The following MED19 variants were observed in gnomAD, a reference collection of about 807,000 sequenced individuals.
The protein encoded by MED19 is mediator of RNA polymerase II transcription subunit 19.
MED19 carries 4 observed loss-of-function variants against 19.9 expected under a neutral mutation model. The ratio of observed to expected loss-of-function variants is 0.20; its 90% CI spans 0.10 to 0.46. The LOEUF is 0.46. Ranked by LOEUF, MED19 falls within the 20% of genes least tolerant of loss-of-function variation. The pLI, the probability that MED19 is intolerant of heterozygous loss-of-function variation, is 0.99. For synonymous variants in MED19, 139 were observed against 119.6 expected (o/e 1.16, Z -1.06); for missense variants, 303 against 318.7 (o/e 0.95, Z 0.38).
At chr11:57,704,771 C>T (rs1169714968) in exon 3 of MED19, 2 of 1,552,218 alleles carry the variant, frequency 1.3e-6, no homozygotes, top group Non-Finnish European at 1.7e-6. Context: ...GCTTATTCTT[C>T]TTCTTGGGAG....
intron 3 of MED19, 40 bp downstream of exon 3, chr11:57,704,679 T>TTG: frequency 6.4e-7 from 1 of 1,554,360 alleles, no homozygotes; most frequent in Non-Finnish European, 8.7e-7. Flanking sequence ...GTTTTTTTTT[T>TTG]TTTTTTTTTT....
At chr11:57,703,864 G>T in exon 5 of MED19, 1 of 980,512 alleles carries the variant, frequency 1.0e-6, no homozygotes, top group Non-Finnish European at 1.4e-6. Flanking sequence ...GCCTACAAAA[G>T]CATGTCCCTC....
intron 2 of MED19, 73 bp from the exon 3 acceptor site, chr11:57,704,888 C>T (rs1946489585): frequency 3.1e-6 from 5 of 1,607,126 alleles, no homozygotes; most frequent in South Asian, 2.2e-5. Flanking sequence ...CCATTCTGCT[C>T]CATTATGAAG....
chr11:57,711,887 T>C (rs924319173), intron 1 of MED19, 76 bp downstream of exon 1: 3 of 1,367,858 alleles, frequency 2.2e-6, no homozygotes, highest in South Asian at 3.6e-5. Flanking sequence ...GCACCTCCGC[T>C]AGCCGGCTGA....
exon 5 of MED19, chr11:57,704,082 C>T: frequency 1.3e-6 from 2 of 1,536,162 alleles, no homozygotes; most frequent in Non-Finnish European, 1.7e-6. Flanking sequence ...CTGCCCATAC[C>T]TGGGTGGTCT....
At chr11:57,704,350 T>A (rs1419891398) in exon 4 of MED19, 1 of 1,536,092 alleles carries the variant, frequency 6.5e-7, no homozygotes, top group Non-Finnish European at 8.7e-7. Flanking sequence ...CAGGATCCTC[T>A]TCTTTTTTCT....
exon 3 of MED19, chr11:57,704,740 T>C: frequency 6.5e-7 from 1 of 1,530,104 alleles, no homozygotes; most frequent in Non-Finnish European, 8.8e-7. Context: ...GGATCCTGGG[T>C]ACGGCTCTGT....
exon 4 of MED19, chr11:57,704,347 CTCT>C (rs1289593915): frequency 4.6e-6 from 7 of 1,535,838 alleles, no homozygotes; most frequent in South Asian, 1.2e-5. Flanking sequence ...GTTCAGGATC[CTCT>C]TCTTTTTTCT....
rs781537069 is a variant in MED19 at position 57,704,768 on chromosome 11, C to A, written c.522G>T (p.Lys174Asn). Residue 174 changes from lysine to asparagine, a missense_variant, in exon 3 of 5, where the codon AAG (lysine) becomes AAT (asparagine). By Grantham distance (94) the Lys-to-Asn change is moderately conservative. This residue lies in a region of MED19 where 274 missense variants were observed against 259.2 expected (regional missense o/e 1.06). Coordinates refer to ENST00000431606, the Ensembl canonical transcript of MED19. ...GGCTCTGTTTGTGCTTGTGCTTATT[C>A]TTCTTCTTGGGAGGCTGAATATGCA... 27 of 1,518,612 alleles carry A rather than the reference C, an allele frequency of 1.8e-5. No homozygotes were observed. The highest frequency in any genetic ancestry group is 2.2e-5 in the Non-Finnish European group (25 of 1,129,292). 94.1% of individuals were successfully genotyped at this position (1,518,612 alleles called of 1,614,324 possible). A position where few individuals can be genotyped will look rare whatever the true frequency, so the allele number is the denominator to read the frequency against.
chr11:57,705,803 CTT>C (rs1275249948), intron 1 of MED19, among the ~76,000 whole-genome samples: 1 of 152,202 alleles, frequency 6.6e-6, no homozygotes, highest in Non-Finnish European at 1.5e-5. Flanking sequence ...ACTCCACTCT[CTT>C]AAGATTAACT....
intron 1 of MED19, among the ~76,000 whole-genome samples, chr11:57,706,711 TGA>T (rs1222652350): frequency 6.6e-6 from 1 of 151,770 alleles, no homozygotes; most frequent in Non-Finnish European, 1.5e-5. Flanking sequence ...CCAGTTTGGG[TGA>T]GAGAGTGAGA....
chr11:57,712,018 G>C, exon 1 of MED19: 2 of 1,533,830 alleles, frequency 1.3e-6, no homozygotes, highest in Non-Finnish European at 1.8e-6. Flanking sequence ...ACTTGTCCGC[G>C]CCAGGAGGAG....
intron 1 of MED19, among the ~76,000 whole-genome samples, chr11:57,707,704 C>T (rs1435462526): frequency 6.6e-6 from 1 of 152,218 alleles, no homozygotes; most frequent in Non-Finnish European, 1.5e-5. Flanking sequence ...TGAATTTCCC[C>T]TGCTCTGCCA....
At chr11:57,710,109 C>T (rs368848824) in intron 1 of MED19, among the ~76,000 whole-genome samples, 1 of 152,186 alleles carries the variant, frequency 6.6e-6, no homozygotes, top group African/African-American at 2.4e-5. Flanking sequence ...GACCTATAAT[C>T]CTAGCACTTT....
intron 1 of MED19, among the ~76,000 whole-genome samples, chr11:57,709,895 T>A (rs1246675583): frequency 6.6e-6 from 1 of 152,178 alleles, no homozygotes; most frequent in Non-Finnish European, 1.5e-5. Context: ...CAGCTCTACC[T>A]CTAACATCCT....
chr11:57,710,998 A>G (rs922445512), intron 1 of MED19, among the ~76,000 whole-genome samples: 4 of 151,872 alleles, frequency 2.6e-5, no homozygotes, highest in Non-Finnish European at 5.9e-5. Context: ...GCCACCTTCA[A>G]TTTTTATCAT....
At chr11:57,704,421 C>A in intron 3 of MED19, 25 bp from the exon 4 acceptor site, 1 of 1,533,658 alleles carries the variant, frequency 6.5e-7, no homozygotes, top group South Asian at 1.2e-5. Context: ...AGGTACCTAT[C>A]ACCTGTAAAG....
chr11:57,705,038 G>A, exon 2 of MED19: 1 of 1,614,204 alleles, frequency 6.2e-7, no homozygotes, highest in South Asian at 1.1e-5. Context: ...GAGCTACTGA[G>A]AATAGGGGGC....
rs1170107298 is a variant in MED19, at chr11:57,709,276, GA to G, written c.217+2686del. ...CATGCCTGTAATCCGAACTACTCGG[GA>G]GGCTGAGGCAGGAGAATCGCTTGAA... On this transcript the variant is annotated intron_variant, in intron 1 of 4. Coordinates refer to ENST00000431606, the Ensembl canonical transcript of MED19. Among the ~76,000 whole-genome samples, 10 of 151,178 alleles carry G rather than the reference GA, an allele frequency of 6.6e-5. No individual in the cohort carries two copies. The South Asian group carries it at 1.9e-3, about 29-fold the overall frequency.
Sources: allele counts gnomAD v4.1 joint callset (sites outside exome capture counted in the v4.1 genomes callset), GRCh38; gene constraint gnomAD v4.1.1; regional missense constraint gnomAD v4.1.1; transcripts MANE v1.5; gene names NCBI Gene and HGNC (gene_info 2026-07-23, HGNC 2026-07-21).